The following DOCK1 variants were observed in gnomAD, a reference collection of about 807,000 sequenced individuals.
The protein encoded by DOCK1 is dedicator of cytokinesis 1.
A neutral mutation model predicts 262.7 loss-of-function variants in DOCK1; 138 were observed. The ratio of observed to expected loss-of-function variants is 0.53; its 90% CI spans 0.46 to 0.61. DOCK1 has a LOEUF of 0.61. DOCK1 is among the 20% of genes least tolerant of loss of function. DOCK1 has a pLI of 0.00. For synonymous variants in DOCK1, 866 were observed against 867.4 expected (o/e 1.00, Z 0.03); for missense variants, 1,908 against 2,370.7 (o/e 0.80, Z 4.05).
At chr10:127,195,405 C>A (rs546016054) in intron 27 of DOCK1, among the ~76,000 whole-genome samples, 1 of 152,302 alleles carries the variant, frequency 6.6e-6, no homozygotes, top group East Asian at 1.9e-4. Context: ...CCCGCAGCCC[C>A]GGGAAGGTGC....
chr10:127,443,363 G>A (rs977247596), intron 49 of DOCK1, among the ~76,000 whole-genome samples: 1 of 152,194 alleles, frequency 6.6e-6, no homozygotes, highest in Non-Finnish European at 1.5e-5. Context: ...AAAGTAGCAT[G>A]GACTCTGGGA....
At position 127,415,182 on chromosome 10, in the gene DOCK1, A is replaced by G. The variant is rs746070886; in HGVS notation, c.4459A>G (p.Thr1487Ala). 1.2e-6 allele frequency: 2 copies of G among 1,613,472 alleles called. No homozygotes were observed. Among genetic ancestry groups the G allele is most frequent in the Admixed American group, 3.3e-5 (2 of 60,010 alleles). The change falls in exon 44 of 52, where the codon ACT becomes GCT. Residue 1487 changes from threonine to alanine, a missense_variant. By Grantham distance (58) the Thr-to-Ala change is moderately conservative. Around this residue, in one of 9 missense-constraint regions of DOCK1, gnomAD observed 267 missense variants for 366.3 expected, o/e 0.73. Coordinates refer to ENST00000623213, the MANE Select transcript of DOCK1 (RefSeq NM_001290223.2). ...NMWIERTIYTTAYKLPGILRW... is the reference protein window; with the variant it reads ...NMWIERTIYTAAYKLPGILRW... ...GTGGATCGAGAGAACCATATATACA[A>G]CTGCATATAAATTACCTGGAATTTT...
intron 1 of DOCK1, among the ~76,000 whole-genome samples, chr10:126,918,466 G>A (rs1403564813): frequency 1.3e-5 from 2 of 152,244 alleles, no homozygotes; most frequent in Non-Finnish European, 2.9e-5. Flanking sequence ...GGTCATGTCA[G>A]CACAGTTTCT....
chr10:127,137,185 C>T (rs962830028), intron 27 of DOCK1: 3 of 152,608 alleles, frequency 2.0e-5, no homozygotes, highest in Non-Finnish European at 4.4e-5. Flanking sequence ...TGTCGTAAGT[C>T]TGGAGATGAA....
At chr10:126,996,657 T>TA in intron 6 of DOCK1, 91 bp from the exon 7 acceptor site, 1 of 1,336,462 alleles carries the variant, frequency 7.5e-7, no homozygotes, top group Non-Finnish European at 9.8e-7. Flanking sequence ...AGGTTGTTTT[T>TA]ACCTGCCCAG....
intron 27 of DOCK1, among the ~76,000 whole-genome samples, chr10:127,220,354 G>C (rs1355438059): frequency 6.6e-6 from 1 of 152,068 alleles, no homozygotes; most frequent in Non-Finnish European, 1.5e-5. Flanking sequence ...GAGGCCCAGG[G>C]ACGTGTGTGT....
chr10:127,254,789 TTTA>T (rs1255093990), intron 28 of DOCK1, among the ~76,000 whole-genome samples: 1 of 152,208 alleles, frequency 6.6e-6, no homozygotes, highest in African/African-American at 2.4e-5. Flanking sequence ...ATGCTTTGTC[TTTA>T]GTCTAAGAGC....
intron 26 of DOCK1, among the ~76,000 whole-genome samples, chr10:127,127,450 G>A (rs2050033111): frequency 6.6e-6 from 1 of 152,104 alleles, no homozygotes; most frequent in Non-Finnish European, 1.5e-5. Flanking sequence ...AAATTACTAT[G>A]ATTATATATG....
At chr10:127,006,217 C>G (rs2041008435) in intron 10 of DOCK1, among the ~76,000 whole-genome samples, 1 of 152,198 alleles carries the variant, frequency 6.6e-6, no homozygotes, top group Non-Finnish European at 1.5e-5. Context: ...ACCAGTGGGA[C>G]TGAGCCATCA....
In DOCK1 at chr10:127,120,429, GATGAA is replaced by G. The variant is rs1461588059; in HGVS notation, c.2624-5039_2624-5035del. Among the ~76,000 whole-genome samples, 7 of 152,298 alleles carry G rather than the reference GATGAA, an allele frequency of 4.6e-5. No homozygotes were observed. The East Asian group carries it at 1.3e-3, about 29-fold the overall frequency. On this transcript the variant is annotated intron_variant, in intron 25 of 51. Transcript: ENST00000623213. The stretch of plus-strand genomic sequence containing the variant: ...CCACATTTTAAAAAATGAGGCAATT[GATGAA>G]ATGAATTTTAGCAATGTATTTTGTC...
intron 27 of DOCK1, among the ~76,000 whole-genome samples, chr10:127,156,115 T>C (rs1009030025): frequency 6.6e-6 from 1 of 152,342 alleles, no homozygotes; most frequent in African/African-American, 2.4e-5. Context: ...TCTAAGCTTA[T>C]AGAACCTTCC....
chr10:127,113,531 T>G lies in DOCK1; in HGVS notation c.2623+3177T>G, dbSNP rs191609274. On this transcript the variant is annotated intron_variant, in intron 25 of 51. Transcript: ENST00000623213. ...CTGGCAGTGAATTCTGAAACTGGTGTTGTTCCTCTGCAGAAAAGCCTTTCG... is the reference window on the plus strand; with the variant it reads ...CTGGCAGTGAATTCTGAAACTGGTGGTGTTCCTCTGCAGAAAAGCCTTTCG... 4.9e-4 allele frequency among the ~76,000 whole-genome samples: 75 copies of G among 152,312 alleles called. 1 individual carries two copies. Among genetic ancestry groups the G allele is most frequent in the African/African-American group, 1.6e-3 (67 of 41,574 alleles).
chr10:126,948,573 A>G (rs2035831913), intron 1 of DOCK1, among the ~76,000 whole-genome samples: 1 of 151,826 alleles, frequency 6.6e-6, no homozygotes, highest in African/African-American at 2.4e-5. Context: ...CGGGATAGGC[A>G]CCCTGAAACA....
chr10:127,388,427 G>A (rs905474704), intron 38 of DOCK1, among the ~76,000 whole-genome samples: 1 of 152,174 alleles, frequency 6.6e-6, no homozygotes, highest in Admixed American at 6.5e-5. Context: ...GAAAGAATTT[G>A]ATAAAATGAA....
intron 31 of DOCK1, 138 bp from the exon 32 acceptor site, chr10:127,354,531 C>G: frequency 3.3e-6 from 3 of 897,810 alleles, no homozygotes; most frequent in Non-Finnish European, 5.1e-6. Context: ...ATTTTGGTGG[C>G]AAGAGAAGTT....
intron 1 of DOCK1, among the ~76,000 whole-genome samples, chr10:126,927,723 C>T (rs928810940): frequency 6.6e-6 from 1 of 152,146 alleles, no homozygotes; most frequent in African/African-American, 2.4e-5. Context: ...AGGTGTGAGC[C>T]ACCGCGCCCG....
Position 127,175,591 on chromosome 10 carries a change from C to G in DOCK1, c.2847+47827C>G, listed in dbSNP as rs1330724929. 1 of 1,612,436 alleles carries G rather than the reference C, an allele frequency of 6.2e-7. No homozygotes were observed. The highest frequency in any genetic ancestry group is 1.7e-5 in the Admixed American group (1 of 60,000). On this transcript the variant is annotated intron_variant, in intron 27 of 51. Transcript: ENST00000623213. This position sits in a 1 kb window ranked among gnomAD's most constrained non-coding sequence, Gnocchi z 6.3. ...CTGGCGGCTGCAGAGTCTGACAAAC[C>G]AGGCTCGGGGGCCCTGGCACTGAGG...
chr10:126,984,308 T>A (rs1216795088), intron 4 of DOCK1, among the ~76,000 whole-genome samples: 1 of 152,170 alleles, frequency 6.6e-6, no homozygotes, highest in Non-Finnish European at 1.5e-5. Flanking sequence ...TCCCATTCAT[T>A]CTCTTTTCAA....
At chr10:127,076,258 T>C (rs1332294806) in intron 23 of DOCK1, among the ~76,000 whole-genome samples, 1 of 152,158 alleles carries the variant, frequency 6.6e-6, no homozygotes, top group African/African-American at 2.4e-5. Context: ...TCCCGGCACT[T>C]TGGGAGGCCG....
Sources: allele counts gnomAD v4.1 joint callset (sites outside exome capture counted in the v4.1 genomes callset), GRCh38; gene constraint gnomAD v4.1.1; regional missense constraint gnomAD v4.1.1; non-coding constraint Gnocchi (gnomAD v3.1); transcripts MANE v1.5; gene names NCBI Gene and HGNC (gene_info 2026-07-23, HGNC 2026-07-21).